The following DYNC1H1 variants were observed in gnomAD, a reference collection of about 807,000 sequenced individuals.
DYNC1H1 encodes the protein dynein cytoplasmic 1 heavy chain 1.
In DYNC1H1, 51 loss-of-function variants were observed where a neutral mutation model predicts 527.1. The ratio of observed to expected loss-of-function variants is 0.10; its 90% CI spans 0.08 to 0.12. The LOEUF is 0.12. Ranked by LOEUF, DYNC1H1 falls within the 10% of genes least tolerant of loss-of-function variation. The pLI is 1.00. For missense variants in DYNC1H1, 2,771 were observed against 5,971.8 expected, an observed-to-expected ratio of 0.46 and a Z score of 17.66; for synonymous variants, 2,189 against 2,278.8, an observed-to-expected ratio of 0.96 and a Z score of 1.12.
chr14:102,004,452 C>T (rs2048173822), intron 23 of DYNC1H1, 66 bp from the exon 24 acceptor site: 2 of 1,517,962 alleles, frequency 1.3e-6, no homozygotes, highest in South Asian at 1.3e-5. Flanking sequence ...AGTTTGAAAT[C>T]TTACCTTGAT....
Position 102,038,350 on chromosome 14 carries a change from G to A in DYNC1H1, c.10909-110G>A. The A allele has an allele frequency of 6.6e-7, 1 of 1,512,702 alleles. No individual in the cohort carries two copies. Among genetic ancestry groups the A allele is most frequent in the Non-Finnish European group, 8.9e-7 (1 of 1,124,498 alleles). 93.7% of individuals were successfully genotyped at this position (1,512,702 alleles called of 1,614,324 possible). ...TAGTGGCCACCACACGCAAGTGGCGGGTGGCTTTTGGGAAGGTATGCTTAT... is the reference window on the plus strand; with the variant it reads ...TAGTGGCCACCACACGCAAGTGGCGAGTGGCTTTTGGGAAGGTATGCTTAT... On this transcript the variant is annotated intron_variant, in intron 57 of 77. Transcript: ENST00000360184. This position sits in a 1 kb window ranked among gnomAD's most constrained non-coding sequence, Gnocchi z 7.2.
At chr14:102,007,148 T>C (rs2048205665) in intron 28 of DYNC1H1, 40 bp downstream of exon 28, 1 of 1,598,462 alleles carries the variant, frequency 6.3e-7, no homozygotes, top group Non-Finnish European at 8.6e-7. Context: ...TGTAATGCCC[T>C]GCAGGGATCA....
chr14:102,003,793 G>T (rs924982162), intron 23 of DYNC1H1, among the ~76,000 whole-genome samples: 1 of 152,012 alleles, frequency 6.6e-6, no homozygotes, highest in African/African-American at 2.4e-5. Context: ...AGGCATGATG[G>T]CAGCTGCCTA....
chr14:102,023,803 C>G (rs1002842064), intron 43 of DYNC1H1: 3 of 152,224 alleles, frequency 2.0e-5, no homozygotes, highest in African/African-American at 7.2e-5. Context: ...GGTCACGCCA[C>G]TGCACTCCAG....
Position 102,032,128 on chromosome 14 carries a change from C to T in DYNC1H1, c.9884-144C>T, listed in dbSNP as rs1042992248. ...TCCAGAGGGTTTAATACAGAAAAGTCTCTCATTTCTTAGCTCTTCTAAGCA... is the reference window on the plus strand; with the variant it reads ...TCCAGAGGGTTTAATACAGAAAAGTTTCTCATTTCTTAGCTCTTCTAAGCA... On this transcript the variant is annotated intron_variant, in intron 51 of 77. Coordinates refer to ENST00000360184, the MANE Select transcript of DYNC1H1 (RefSeq NM_001376.5). 2.1e-5 allele frequency: 20 copies of T among 955,212 alleles called. No individual in the cohort carries two copies. In the African/African-American group the frequency reaches 2.9e-4, roughly 14 times the overall value. 59.2% of individuals were successfully genotyped at this position (955,212 alleles called of 1,614,324 possible).
chr14:102,005,745 T>C lies in DYNC1H1; in HGVS notation c.5434-143T>C. 1.0e-6 allele frequency: 1 copy of C among 970,380 alleles called. No homozygotes were observed. Among genetic ancestry groups the C allele is most frequent in the Non-Finnish European group, 1.6e-6 (1 of 626,508 alleles). The allele number at this position is 970,380 out of a possible 1,614,324, so 60.1% of individuals were successfully genotyped here. ...GTAACATTTCTCTCATCTCTGAAAG[T>C]GAATTTGCCTTTTGGAACATTTACT... On this transcript the variant is annotated intron_variant, in intron 26 of 77. Coordinates refer to ENST00000360184, the MANE Select transcript of DYNC1H1 (RefSeq NM_001376.5). This position sits in a 1 kb window ranked among gnomAD's most constrained non-coding sequence, Gnocchi z 4.0.
Position 101,983,803 on chromosome 14 carries a change from G to A in DYNC1H1, c.1461+194G>A, listed in dbSNP as rs111812299. ...AGCGATTCTCCTGCCTCAGCCTCTC[G>A]AGTAGCTGGGATTACAGGTGCCTGC... On this transcript the variant is annotated intron_variant, in intron 7 of 77. Transcript: ENST00000360184. This position sits in a 1 kb window ranked among gnomAD's most constrained non-coding sequence, Gnocchi z 5.3. Among the ~76,000 whole-genome samples the A allele has an allele frequency of 2.2e-3, 327 of 151,898 alleles. 2 individuals are homozygous for A. Among genetic ancestry groups the A allele is most frequent in the African/African-American group, 7.2e-3 (297 of 41,414 alleles).
In DYNC1H1 at chr14:102,029,557, A is replaced by G; in HGVS notation, c.9487A>G (p.Lys3163Glu). 6.2e-7 allele frequency: 1 copy of G among 1,614,226 alleles called. No homozygotes were observed. Among genetic ancestry groups the G allele is most frequent in the Non-Finnish European group, 8.5e-7 (1 of 1,180,042 alleles). The change falls in exon 49 of 78, where the codon AAG (lysine) becomes GAG (glutamate). Residue 3163 changes from lysine (K) to glutamate (E), a missense_variant. Around this residue, in one of 32 missense-constraint regions of DYNC1H1, gnomAD observed 67 missense variants for 128.2 expected, o/e 0.52. Transcript: ENST00000360184. The surrounding 1 kb of genome is among the most constrained non-coding windows in gnomAD (Gnocchi z 5.3). ...CTGAAAGGCGAATGCTCGGCTAGCAAAGCGAGGCGGCAGAACGATGGCCAT... is the reference window on the plus strand; with the variant it reads ...CTGAAAGGCGAATGCTCGGCTAGCAGAGCGAGGCGGCAGAACGATGGCCAT... ...TLHQANARLA[K>E]RGGRTMAITP...
chr14:102,008,276 C>G lies in DYNC1H1; in HGVS notation c.5916C>G (p.Ser1972=), dbSNP rs1192266723. 6.2e-7 allele frequency: 1 copy of G among 1,614,216 alleles called. No homozygotes were observed. Among genetic ancestry groups the G allele is most frequent in the African/African-American group, 1.3e-5 (1 of 75,052 alleles). Residue 1972 remains serine, a synonymous_variant, in exon 29 of 78, where the codon TCC becomes TCG. Transcript: ENST00000360184. ...AGGAGCGGATGCTCTCGGCTGTGTC[C>G]CAGCAGGTGCAGTGCATACAGGAAG... ...RLEERMLSAV[S]QQVQCIQEAL...
chr14:101,975,894 G>C, intron 2 of DYNC1H1, 95 bp downstream of exon 2: 2 of 966,344 alleles, frequency 2.1e-6, no homozygotes, highest in Non-Finnish European at 3.2e-6. Flanking sequence ...TTCTTACTAA[G>C]AGAATTAATA....
chr14:102,008,391 A>C (rs1014612044), intron 29 of DYNC1H1, 54 bp downstream of exon 29: 2 of 1,600,150 alleles, frequency 1.2e-6, no homozygotes, highest in African/African-American at 2.7e-5. Context: ...GAAATTCCCT[A>C]GTGAACTAAT....
chr14:102,023,678 A>G (rs2048415387), intron 43 of DYNC1H1: 1 of 153,268 alleles, frequency 6.5e-6, no homozygotes, highest in Non-Finnish European at 1.5e-5. Context: ...CTGAAACTCC[A>G]TCTCTACTAA....
chr14:101,995,146 G>A, intron 14 of DYNC1H1, 35 bp from the exon 15 acceptor site: 1 of 1,614,218 alleles, frequency 6.2e-7, no homozygotes, highest in Non-Finnish European at 8.5e-7. Flanking sequence ...GTGAACCCCA[G>A]CTCTGTGATG....
chr14:102,046,143 G>A (rs2048714837), intron 72 of DYNC1H1, among the ~76,000 whole-genome samples: 1 of 151,832 alleles, frequency 6.6e-6, no homozygotes, highest in Non-Finnish European at 1.5e-5. Context: ...ACTCCAGCCT[G>A]GGCGACAGAG....
In DYNC1H1 at chr14:102,049,359, C is replaced by CG. The variant is rs3215632; in HGVS notation, c.13373-81_13373-80insG. 6,264 of 1,602,628 alleles carry CG rather than the reference C, an allele frequency of 3.9e-3. 128 individuals are homozygous for CG. The Admixed American group carries it at 0.042, about 11-fold the overall frequency. ...CCGCCTGTGTGGGCAGCCAGGATGCCTAGCACTTGCACATTTGTTCCATCT... is the reference window on the plus strand; with the variant it reads ...CCGCCTGTGTGGGCAGCCAGGATGCCGTAGCACTTGCACATTTGTTCCATCT... On this transcript the variant is annotated intron_variant, in intron 74 of 77. Coordinates refer to ENST00000360184, the MANE Select transcript of DYNC1H1 (RefSeq NM_001376.5). The surrounding 1 kb of genome is among the most constrained non-coding windows in gnomAD (Gnocchi z 5.5).
At chr14:102,034,254 CAGTT>C in intron 55 of DYNC1H1, 66 bp downstream of exon 55, 1 of 1,614,134 alleles carries the variant, frequency 6.2e-7, no homozygotes, top group Non-Finnish European at 8.5e-7. Flanking sequence ...GTTTAGTGCA[CAGTT>C]AGAGTCTTGA....
At position 102,018,481 on chromosome 14, in the gene DYNC1H1, G is replaced by T; in HGVS notation, c.8208G>T (p.Val2736=). 6.2e-7 allele frequency: 1 copy of T among 1,613,824 alleles called. No homozygotes were observed. The highest frequency in any genetic ancestry group is 8.5e-7 in the Non-Finnish European group (1 of 1,180,016). The part of the protein sequence containing the change: ...RFLRHVPVVY[V]DYPGPASLTQ... ...TGCGCCACGTGCCTGTCGTGTATGTGGATTACCCGGGCCCCGCCTCCCTCA... is the reference window on the plus strand; with the variant it reads ...TGCGCCACGTGCCTGTCGTGTATGTTGATTACCCGGGCCCCGCCTCCCTCA... Residue 2736 remains valine (V), a synonymous_variant, in exon 41 of 78, where the codon GTG becomes GTT. Coordinates refer to ENST00000360184, the MANE Select transcript of DYNC1H1 (RefSeq NM_001376.5). The surrounding 1 kb of genome is among the most constrained non-coding windows in gnomAD (Gnocchi z 5.2).
intron 1 of DYNC1H1, among the ~76,000 whole-genome samples, chr14:101,970,214 A>G (rs2047715949): frequency 6.6e-6 from 1 of 152,128 alleles, no homozygotes; most frequent in Non-Finnish European, 1.5e-5. Flanking sequence ...TAATGATGTT[A>G]CAATGGAAAT....
intron 73 of DYNC1H1, 157 bp downstream of exon 73, chr14:102,048,185 T>C (rs368683228): frequency 2.2e-5 from 21 of 976,010 alleles, no homozygotes; most frequent in Non-Finnish European, 3.2e-5. Context: ...AGCCCAGGCA[T>C]TGGGCAAGAT....
Sources: gnomAD v4.1 joint callset for allele counts (sites outside exome capture counted in the v4.1 genomes callset) on GRCh38, gnomAD v4.1.1 for gene constraint, gnomAD v4.1.1 regional missense constraint, Gnocchi (gnomAD v3.1) non-coding constraint, MANE v1.5 for transcripts, NCBI Gene and HGNC (gene_info 2026-07-23, HGNC 2026-07-21) for gene names.